The following SH3PXD2A variants were observed in gnomAD, a reference collection of about 807,000 sequenced individuals.
The protein encoded by SH3PXD2A is SH3 and PX domain-containing protein 2A.
A neutral mutation model predicts 115.2 loss-of-function variants in SH3PXD2A; 32 were observed. That is an observed-to-expected ratio of 0.28 (90% CI 0.21 to 0.37). SH3PXD2A has a LOEUF of 0.37. SH3PXD2A is among the 10% of genes least tolerant of loss of function. SH3PXD2A has a pLI of 1.00. For synonymous variants in SH3PXD2A, 610 were observed against 629.1 expected (o/e 0.97, Z 0.45); for missense variants, 1,328 against 1,498.7 (o/e 0.89, Z 1.88).
chr10:103,727,389 G>A (rs1023345294), intron 4 of SH3PXD2A, among the ~76,000 whole-genome samples: 1 of 152,238 alleles, frequency 6.6e-6, no homozygotes, highest in African/African-American at 2.4e-5. Context: ...GAGCAAGAGG[G>A]AGGGAGAGAA....
chr10:103,762,011 C>T (rs903870832), intron 3 of SH3PXD2A, among the ~76,000 whole-genome samples: 5 of 104,182 alleles, frequency 4.8e-5, no homozygotes, highest in African/African-American at 7.2e-5. Flanking sequence ...GCAATCAACA[C>T]GTCTTTTTTT....
chr10:103,682,304 G>A (rs940590558), intron 6 of SH3PXD2A, among the ~76,000 whole-genome samples: 1 of 152,272 alleles, frequency 6.6e-6, no homozygotes, highest in Admixed American at 6.5e-5. Flanking sequence ...ACACACACGT[G>A]AGCAGCACTC....
intron 6 of SH3PXD2A, among the ~76,000 whole-genome samples, chr10:103,685,446 T>C (rs919805955): frequency 2.9e-4 from 44 of 151,186 alleles, no homozygotes; most frequent in African/African-American, 1.1e-3. Context: ...CCACCTACCC[T>C]GGTTGTTGCA....
At chr10:103,778,649 G>A (rs1391048923) in intron 2 of SH3PXD2A, among the ~76,000 whole-genome samples, 4 of 152,248 alleles carry the variant, frequency 2.6e-5, no homozygotes, top group African/African-American at 7.2e-5. Context: ...TACCGTGAGT[G>A]CTAGATGAAT....
In SH3PXD2A at chr10:103,820,257, G is replaced by C. The variant is rs978953237; in HGVS notation, c.73-18895C>G. ...AAAGGGGATTCTTTTGAGCCCCCAA[G>C]CTGCTTCTCCCTGCCCCTTCCTTCC... On this transcript the variant is annotated intron_variant, in intron 1 of 14. Transcript: ENST00000369774. 5.9e-5 allele frequency among the ~76,000 whole-genome samples: 9 copies of C among 152,228 alleles called. No individual in the cohort carries two copies. The East Asian group carries it at 9.7e-4, about 16-fold the overall frequency.
chr10:103,799,992 T>C (rs2039131814), intron 2 of SH3PXD2A, among the ~76,000 whole-genome samples: 2 of 152,034 alleles, frequency 1.3e-5, no homozygotes, highest in South Asian at 4.2e-4. Context: ...TGAGATAGAA[T>C]TAGGTATTGG....
chr10:103,779,536 G>A (rs2038912952), intron 2 of SH3PXD2A, among the ~76,000 whole-genome samples: 1 of 152,162 alleles, frequency 6.6e-6, no homozygotes, highest in Admixed American at 6.5e-5. Flanking sequence ...TGAAACAGAG[G>A]AAGAACTCGG....
chr10:103,629,078 G>A (rs2036740377), intron 8 of SH3PXD2A, among the ~76,000 whole-genome samples: 1 of 152,154 alleles, frequency 6.6e-6, no homozygotes, highest in Non-Finnish European at 1.5e-5. Context: ...CAATCTCCAG[G>A]GTGAGAAACC....
At chr10:103,757,922 G>T (rs1450764538) in intron 3 of SH3PXD2A, among the ~76,000 whole-genome samples, 2 of 152,248 alleles carry the variant, frequency 1.3e-5, no homozygotes, top group African/African-American at 4.8e-5. Flanking sequence ...AGCACAGAGT[G>T]GGGAGGGCAA....
intron 8 of SH3PXD2A, among the ~76,000 whole-genome samples, chr10:103,650,923 C>T (rs1324881802): frequency 6.6e-6 from 1 of 152,248 alleles, no homozygotes; most frequent in East Asian, 1.9e-4. Context: ...TGTCCACGTG[C>T]ACCCCAGTGC....
intron 6 of SH3PXD2A, among the ~76,000 whole-genome samples, chr10:103,672,853 C>T (rs1052468124): frequency 2.0e-5 from 3 of 152,212 alleles, no homozygotes; most frequent in East Asian, 3.8e-4. Flanking sequence ...ATGCCATGTC[C>T]CTCCCTCACA....
At chr10:103,632,916 G>A (rs917208606) in intron 8 of SH3PXD2A, among the ~76,000 whole-genome samples, 1 of 152,124 alleles carries the variant, frequency 6.6e-6, no homozygotes, top group African/African-American at 2.4e-5. Context: ...AGAGGTTGCG[G>A]TGAGCTGAGA....
chr10:103,838,424 G>T (rs889251301), intron 1 of SH3PXD2A, among the ~76,000 whole-genome samples: 15 of 152,180 alleles, frequency 9.9e-5, no homozygotes, highest in African/African-American at 3.6e-4. Flanking sequence ...AGCACTGAGG[G>T]GGTAAGTGAC....
Position 103,784,297 on chromosome 10 carries a change from C to T in SH3PXD2A, c.153+16985G>A, listed in dbSNP as rs774562933. Among the ~76,000 whole-genome samples, 17 of 152,200 alleles carry T rather than the reference C, an allele frequency of 1.1e-4. No individual in the cohort carries two copies. The highest frequency in any genetic ancestry group is 5.2e-4 in the Admixed American group (8 of 15,288). Reference sequence around the variant, plus strand: ...CCCAAGCCTCTGTGCATGCCCAAGGCGGTCCTGTCCCACACCTTGCCCACG... The same window carrying T: ...CCCAAGCCTCTGTGCATGCCCAAGGTGGTCCTGTCCCACACCTTGCCCACG... On this transcript the variant is annotated intron_variant, in intron 2 of 14. Coordinates refer to ENST00000369774, the MANE Select transcript of SH3PXD2A (RefSeq NM_001394015.1). The surrounding 1 kb of genome is among the most constrained non-coding windows in gnomAD (Gnocchi z 4.4).
In SH3PXD2A at chr10:103,769,175, TGTGTGTGC is replaced by T. The variant is rs1430815315; in HGVS notation, c.154-2014_154-2007del. ...GTGTGTGTGTGTGTGTGTGTGTGTG[TGTGTGTGC>T]GCGCGCGCGCGCATTTATTTCCATC... On this transcript the variant is annotated intron_variant, in intron 2 of 14. Coordinates refer to ENST00000369774, the MANE Select transcript of SH3PXD2A (RefSeq NM_001394015.1). Among the ~76,000 whole-genome samples the T allele has an allele frequency of 1.2e-3, 122 of 103,838 alleles. 1 individual carries two copies. The highest frequency in any genetic ancestry group is 8.2e-3 in the East Asian group (23 of 2,810). 68.1% of individuals were successfully genotyped at this position (103,838 alleles called of 152,430 possible).
At chr10:103,833,891 T>G (rs994792378) in intron 1 of SH3PXD2A, among the ~76,000 whole-genome samples, 1 of 152,212 alleles carries the variant, frequency 6.6e-6, no homozygotes, top group Non-Finnish European at 1.5e-5. Flanking sequence ...GTAAGAGGGC[T>G]GGGGAGTTAG....
intron 11 of SH3PXD2A, among the ~76,000 whole-genome samples, chr10:103,616,509 G>A (rs2036520666): frequency 6.6e-6 from 1 of 152,216 alleles, no homozygotes; most frequent in South Asian, 2.1e-4. Context: ...TTTGCCTCCA[G>A]CAGGTCAGGA....
intron 8 of SH3PXD2A, among the ~76,000 whole-genome samples, chr10:103,631,554 A>G (rs991157649): frequency 6.6e-6 from 1 of 152,186 alleles, no homozygotes; most frequent in African/African-American, 2.4e-5. Flanking sequence ...ACCCCTAACA[A>G]TCACTAAGGA....
chr10:103,636,470 A>G (rs1359367575), intron 8 of SH3PXD2A, among the ~76,000 whole-genome samples: 7 of 151,556 alleles, frequency 4.6e-5, no homozygotes, highest in Non-Finnish European at 8.8e-5. Context: ...ATACACAGAG[A>G]GACAGAGGGA....
Sources: gnomAD v4.1 joint callset for allele counts (sites outside exome capture counted in the v4.1 genomes callset) on GRCh38, gnomAD v4.1.1 for gene constraint, Gnocchi (gnomAD v3.1) non-coding constraint, MANE v1.5 for transcripts, NCBI Gene and HGNC (gene_info 2026-07-23, HGNC 2026-07-21) for gene names.